ANO6: variants seen among roughly 807,000 people sequenced by gnomAD.
The protein encoded by ANO6 is anoctamin 6.
Under a neutral mutation model 117.5 loss-of-function variants are expected in ANO6, and 106 were observed. That is an observed-to-expected ratio of 0.90 (90% CI 0.77 to 1.06). ANO6 has a LOEUF of 1.06. Among genes scored for constraint, ANO6 ranks in the 50% least tolerant of loss-of-function variants. The pLI, the probability that ANO6 is intolerant of heterozygous loss-of-function variation, is 0.00. For missense variants in ANO6, 955 were observed against 1,121.1 expected (o/e 0.85, Z 2.12); for synonymous variants, 367 against 385.1 (o/e 0.95, Z 0.55).
chr12:45,335,437 T>A (rs1454458311), intron 3 of ANO6: 1 of 151,930 alleles, frequency 6.6e-6, no homozygotes, highest in Non-Finnish European at 1.5e-5. Flanking sequence ...CCAAAAAGTT[T>A]TACTATGATG....
chr12:45,357,511 C>A, intron 8 of ANO6, 87 bp downstream of exon 8: 1 of 1,474,468 alleles, frequency 6.8e-7, no homozygotes, highest in Non-Finnish European at 9.4e-7. Context: ...TTTGGTAAGA[C>A]AAGACTGACT....
At chr12:45,410,135 G>C (rs921646115) in intron 16 of ANO6, among the ~76,000 whole-genome samples, 1 of 152,220 alleles carries the variant, frequency 6.6e-6, no homozygotes, top group African/African-American at 2.4e-5. Context: ...ATGTGATTCA[G>C]CTTGGCCTGG....
chr12:45,248,536 C>G (rs926260616), intron 1 of ANO6, among the ~76,000 whole-genome samples: 3 of 145,968 alleles, frequency 2.1e-5, no homozygotes, highest in Non-Finnish European at 4.4e-5. Flanking sequence ...CAGGTTCAAA[C>G]AGTTCTCCTG....
intron 1 of ANO6, among the ~76,000 whole-genome samples, chr12:45,232,739 G>A (rs1009550016): frequency 1.3e-5 from 2 of 152,222 alleles, no homozygotes; most frequent in African/African-American, 4.8e-5. Flanking sequence ...ACTATTGCTA[G>A]TGGTTCCAGT....
chr12:45,239,963 T>G lies in ANO6; in HGVS notation c.70+23572T>G, dbSNP rs1947712438. 3.9e-5 allele frequency among the ~76,000 whole-genome samples: 6 copies of G among 152,206 alleles called. No homozygotes were observed. In the South Asian group the frequency reaches 1.2e-3, roughly 32 times the overall value. Reference sequence around the variant, plus strand: ...TCCAATTATGTGGTCAATTTTAGTATAAGTGCTATATGGTGCTGAGAAGAA... The same window carrying G: ...TCCAATTATGTGGTCAATTTTAGTAGAAGTGCTATATGGTGCTGAGAAGAA... On this transcript the variant is annotated intron_variant, in intron 1 of 19. Transcript: ENST00000320560.
Position 45,431,853 on chromosome 12 carries a change from A to G in ANO6, c.*2542A>G. On this transcript the variant is annotated 3_prime_UTR_variant, in exon 20 of 20. Coordinates refer to ENST00000320560, the MANE Select transcript of ANO6 (RefSeq NM_001025356.3). ...TTAACCACTAGAGAAACTGAGCTTT[A>G]TATCCTTTTTTAATGCCTGTGAATT... 4.1e-6 allele frequency: 4 copies of G among 985,460 alleles called. No homozygotes were observed. The highest frequency in any genetic ancestry group is 4.8e-6 in the Non-Finnish European group (4 of 829,946). The allele number at this position is 985,460 out of a possible 1,614,324, so 61.0% of individuals were successfully genotyped here.
At chr12:45,299,195 C>G (rs1406337215) in intron 1 of ANO6, among the ~76,000 whole-genome samples, 1 of 152,194 alleles carries the variant, frequency 6.6e-6, no homozygotes, top group Admixed American at 6.5e-5. Flanking sequence ...CACATTTTAG[C>G]AAGTTTTAAA....
chr12:45,255,942 C>G (rs1937808764), intron 1 of ANO6, among the ~76,000 whole-genome samples: 1 of 151,412 alleles, frequency 6.6e-6, no homozygotes, highest in Non-Finnish European at 1.5e-5. Context: ...CTGAGCCTCC[C>G]TCCCGAGTAG....
At chr12:45,349,237 TC>T (rs1429368082) in intron 6 of ANO6, among the ~76,000 whole-genome samples, 1 of 152,218 alleles carries the variant, frequency 6.6e-6, no homozygotes, top group Non-Finnish European at 1.5e-5. Flanking sequence ...AGACTTTTCT[TC>T]CTCATTTGGA....
At chr12:45,296,978 A>G (rs1023398001) in intron 1 of ANO6, among the ~76,000 whole-genome samples, 1 of 152,134 alleles carries the variant, frequency 6.6e-6, no homozygotes, top group African/African-American at 2.4e-5. Flanking sequence ...GTGAATTGTC[A>G]TTTATATCTT....
At chr12:45,410,314 T>G (rs911874173) in intron 16 of ANO6, among the ~76,000 whole-genome samples, 2 of 152,212 alleles carry the variant, frequency 1.3e-5, no homozygotes, top group African/African-American at 2.4e-5. Flanking sequence ...TCTGCCTGGT[T>G]CCTTGAGTGA....
Position 45,367,689 on chromosome 12 carries a change from A to C in ANO6, c.1000A>C (p.Lys334Gln), listed in dbSNP as rs762938688. Residue 334 changes from lysine to glutamine, a missense_variant and splice_region_variant, in exon 9 of 20, where the codon AAA (lysine) becomes CAA (glutamine). Physicochemically the swap from Lys to Gln is moderately conservative, Grantham distance 53. Transcript: ENST00000320560. Reference sequence around the variant, plus strand: ...TAAGTTTTATTTCTCTCTTTTTAGCAAAGAAGTTTGTCATCCTGATATTGG... The same window carrying C: ...TAAGTTTTATTTCTCTCTTTTTAGCCAAGAAGTTTGTCATCCTGATATTGG... ...YLNQDNCTWS[K>Q]EVCHPDIGGK... The C allele has an allele frequency of 6.2e-7, 1 of 1,611,978 alleles. No homozygotes were observed. Among genetic ancestry groups the C allele is most frequent in the East Asian group, 2.2e-5 (1 of 44,742 alleles).
chr12:45,405,631 C>T (rs1942913079), intron 15 of ANO6, among the ~76,000 whole-genome samples: 1 of 152,138 alleles, frequency 6.6e-6, no homozygotes, highest in African/African-American at 2.4e-5. Flanking sequence ...ATATATCAGC[C>T]AGGTGCTGTG....
At chr12:45,336,338 A>C (rs1217373110) in intron 3 of ANO6, among the ~76,000 whole-genome samples, 1 of 152,088 alleles carries the variant, frequency 6.6e-6, no homozygotes, top group Non-Finnish European at 1.5e-5. Context: ...AGTATAACTC[A>C]AAGCATTCAT....
chr12:45,390,021 C>T (rs1942399097), intron 11 of ANO6, among the ~76,000 whole-genome samples: 1 of 152,144 alleles, frequency 6.6e-6, no homozygotes, highest in South Asian at 2.1e-4. Flanking sequence ...CCAAGAAACA[C>T]ATAGTGGATA....
At chr12:45,267,061 C>T (rs946857278) in intron 1 of ANO6, among the ~76,000 whole-genome samples, 2 of 152,090 alleles carry the variant, frequency 1.3e-5, no homozygotes, top group African/African-American at 4.8e-5. Flanking sequence ...CCATGTTGTG[C>T]TATTTGAATT....
At chr12:45,418,468 T>C (rs1334723383) in intron 17 of ANO6, among the ~76,000 whole-genome samples, 1 of 152,156 alleles carries the variant, frequency 6.6e-6, no homozygotes, top group African/African-American at 2.4e-5. Context: ...ACAATGAACA[T>C]GACAGCACGT....
intron 3 of ANO6, among the ~76,000 whole-genome samples, chr12:45,345,783 T>C (rs1226578187): frequency 1.3e-5 from 2 of 152,058 alleles, no homozygotes; most frequent in Non-Finnish European, 2.9e-5. Flanking sequence ...GGAAGTGTGG[T>C]TACAGAGCTC....
rs530971593 is a variant in ANO6, at chr12:45,370,099, G to A, written c.1104+2306G>A. Among the ~76,000 whole-genome samples, 242 of 152,198 alleles carry A rather than the reference G, an allele frequency of 1.6e-3. 3 individuals carry two copies. Among genetic ancestry groups the A allele is most frequent in the Non-Finnish European group, 2.4e-3 (163 of 68,010 alleles). On this transcript the variant is annotated intron_variant, in intron 9 of 19. Coordinates refer to ENST00000320560, the MANE Select transcript of ANO6 (RefSeq NM_001025356.3). ...CTAAAGCAGTATGCTGATTCAGACC[G>A]CTCTTAACACAGCTGTCTTGCCCTC...
Sources: allele counts gnomAD v4.1 joint callset (sites outside exome capture counted in the v4.1 genomes callset), GRCh38; gene constraint gnomAD v4.1.1; transcripts MANE v1.5; gene names NCBI Gene and HGNC (gene_info 2026-07-23, HGNC 2026-07-21).